The following ERC2 variants were observed in gnomAD, a reference collection of about 807,000 sequenced individuals.
ERC2 encodes the protein ELKS/RAB6-interacting/CAST family member 2.
Under a neutral mutation model 114.8 loss-of-function variants are expected in ERC2, and 42 were observed. The observed-to-expected ratio is 0.37, with a 90% CI of 0.29 to 0.47. ERC2 has a LOEUF of 0.47. Among genes scored for constraint, ERC2 ranks in the 20% least tolerant of loss-of-function variants. ERC2 has a pLI of 0.99. For missense variants in ERC2, 939 were observed against 1,150.7 expected (o/e 0.82, Z 2.66); for synonymous variants, 454 against 425.5 (o/e 1.07, Z -0.82).
chr3:56,276,288 T>C (rs191006065), intron 3 of ERC2, among the ~76,000 whole-genome samples: 8 of 152,192 alleles, frequency 5.3e-5, no homozygotes, highest in Non-Finnish European at 7.4e-5. Context: ...TATTTTTAGA[T>C]ACAAATTTTA....
rs1369016923 is a variant in ERC2 at position 56,434,800 on chromosome 3, C to A, written c.208G>T (p.Val70Leu). The A allele has an allele frequency of 1.2e-6, 2 of 1,613,940 alleles. No individual in the cohort carries two copies. The highest frequency in any genetic ancestry group is 2.7e-5 in the African/African-American group (2 of 75,022). ...GPMYLSDHEG[V>L]ASTTYPKGTM... ...CCCTTTGGGTAGGTTGTTGAAGCCACCCCTTCATGATCACTCAGATACATG... is the reference window on the plus strand; with the variant it reads ...CCCTTTGGGTAGGTTGTTGAAGCCAACCCTTCATGATCACTCAGATACATG... The change falls in exon 2 of 18, where the codon GTG becomes TTG. Residue 70 changes from valine to leucine, a missense_variant. By Grantham distance (32) the Val-to-Leu change is conservative. Around this residue, in one of 5 missense-constraint regions of ERC2, gnomAD observed 281 missense variants for 307.4 expected, o/e 0.91. Coordinates refer to ENST00000288221, the MANE Select transcript of ERC2 (RefSeq NM_015576.3).
chr3:55,679,810 A>G (rs967620739), intron 17 of ERC2, among the ~76,000 whole-genome samples: 1 of 152,224 alleles, frequency 6.6e-6, no homozygotes, highest in Non-Finnish European at 1.5e-5. Context: ...TGCTTTGTGT[A>G]GAGCTCAGAG....
intron 17 of ERC2, among the ~76,000 whole-genome samples, chr3:55,588,533 T>A (rs1210795695): frequency 6.6e-6 from 1 of 152,304 alleles, no homozygotes; most frequent in Admixed American, 6.5e-5. Flanking sequence ...CTCGGCCTGA[T>A]GAATCAATTC....
At chr3:55,601,371 C>T (rs78212119) in intron 17 of ERC2, among the ~76,000 whole-genome samples, 1 of 152,216 alleles carries the variant, frequency 6.6e-6, no homozygotes, top group African/African-American at 2.4e-5. Flanking sequence ...AAGTCCTCCT[C>T]AGAAACAGGT....
chr3:56,082,329 C>G (rs1175214446), intron 6 of ERC2, among the ~76,000 whole-genome samples: 1 of 152,160 alleles, frequency 6.6e-6, no homozygotes, highest in African/African-American at 2.4e-5. Flanking sequence ...TGTGAGAACA[C>G]AGCACGATGG....
intron 17 of ERC2, among the ~76,000 whole-genome samples, chr3:55,683,519 C>G (rs1201596959): frequency 6.6e-6 from 1 of 152,128 alleles, no homozygotes; most frequent in Non-Finnish European, 1.5e-5. Flanking sequence ...AGTAAGGGCA[C>G]AGTTTACATC....
intron 17 of ERC2, among the ~76,000 whole-genome samples, chr3:55,651,895 C>T (rs551538952): frequency 2.0e-5 from 3 of 152,234 alleles, no homozygotes; most frequent in Non-Finnish European, 4.4e-5. Flanking sequence ...AGGCAAAATC[C>T]CAGCAGCTCG....
intron 6 of ERC2, among the ~76,000 whole-genome samples, chr3:56,084,984 A>C (rs2077430249): frequency 6.6e-6 from 1 of 152,068 alleles, no homozygotes; most frequent in Non-Finnish European, 1.5e-5. Flanking sequence ...TTCTGCTTTT[A>C]ACTGCCTGAG....
Position 56,242,295 on chromosome 3 carries a change from A to G in ERC2, c.1074+53724T>C, listed in dbSNP as rs868224413. Among the ~76,000 whole-genome samples, 34 of 152,236 alleles carry G rather than the reference A, an allele frequency of 2.2e-4. 1 individual carries two copies. The Middle Eastern group carries it at 0.041, about 183-fold the overall frequency. Reference sequence around the variant, plus strand: ...GACATACAAGCATAAGAATGATATAATGGACTTTGGGGACTTGGGGAAGGA... The same window carrying G: ...GACATACAAGCATAAGAATGATATAGTGGACTTTGGGGACTTGGGGAAGGA... On this transcript the variant is annotated intron_variant, in intron 3 of 17. Coordinates refer to ENST00000288221, the MANE Select transcript of ERC2 (RefSeq NM_015576.3).
At chr3:55,583,856 G>A (rs1458782606) in intron 17 of ERC2, among the ~76,000 whole-genome samples, 1 of 142,668 alleles carries the variant, frequency 7.0e-6, no homozygotes, top group Non-Finnish European at 1.5e-5. Flanking sequence ...AAGTACCTTT[G>A]CCAGCAAGTC....
intron 3 of ERC2, among the ~76,000 whole-genome samples, chr3:56,207,433 T>G (rs2167619): frequency 6.6e-6 from 1 of 151,932 alleles, no homozygotes; most frequent in South Asian, 2.1e-4. Flanking sequence ...CTTATATTTC[T>G]GTACTTACTA....
chr3:56,003,482 C>CAAT (rs1193431263), intron 10 of ERC2, among the ~76,000 whole-genome samples: 2 of 152,054 alleles, frequency 1.3e-5, no homozygotes, highest in Non-Finnish European at 2.9e-5. Context: ...TACTTTTGGC[C>CAAT]AAGTCTGCAA....
At chr3:55,952,147 ACACACACACACAC>A (rs1306290782) in intron 12 of ERC2, among the ~76,000 whole-genome samples, 2,284 of 55,040 alleles carry the variant, frequency 0.041, 203 homozygotes, top group Non-Finnish European at 0.063. Context: ...ACACACACAC[ACACACACACACAC>A]ACACACACAC....
chr3:55,576,838 C>A (rs2057008047), intron 17 of ERC2, among the ~76,000 whole-genome samples: 1 of 152,218 alleles, frequency 6.6e-6, no homozygotes, highest in Admixed American at 6.5e-5. Flanking sequence ...CACACCGCAT[C>A]GTGCGAGGGA....
At chr3:55,891,119 T>C (rs558788429) in intron 13 of ERC2, among the ~76,000 whole-genome samples, 3 of 152,208 alleles carry the variant, frequency 2.0e-5, no homozygotes, top group Non-Finnish European at 2.9e-5. Context: ...TACAGGCACA[T>C]GGTAGGACCC....
At chr3:56,348,343 A>G (rs906044836) in intron 2 of ERC2, among the ~76,000 whole-genome samples, 2 of 151,908 alleles carry the variant, frequency 1.3e-5, no homozygotes, top group Non-Finnish European at 2.9e-5. Flanking sequence ...ACACCATCAT[A>G]TCTTGATTGC....
chr3:56,435,288 C>T (rs768691825), intron 1 of ERC2, 141 bp from the exon 2 acceptor site: 14 of 256,412 alleles, frequency 5.5e-5, no homozygotes, highest in Non-Finnish European at 8.8e-5. Flanking sequence ...AGAGCCACAC[C>T]CATAATGTTG....
chr3:56,421,736 A>G (rs1175747530), intron 2 of ERC2, among the ~76,000 whole-genome samples: 2 of 152,174 alleles, frequency 1.3e-5, no homozygotes, highest in African/African-American at 2.4e-5. Context: ...TCATCTTCCA[A>G]CTGACCCCGA....
intron 12 of ERC2, among the ~76,000 whole-genome samples, chr3:55,964,316 T>C (rs2068596125): frequency 6.6e-6 from 1 of 152,234 alleles, no homozygotes; most frequent in Non-Finnish European, 1.5e-5. Flanking sequence ...TGAACTATTG[T>C]TCTGATGATG....
Sources: allele counts gnomAD v4.1 joint callset (sites outside exome capture counted in the v4.1 genomes callset), GRCh38; gene constraint gnomAD v4.1.1; regional missense constraint gnomAD v4.1.1; transcripts MANE v1.5; gene names NCBI Gene and HGNC (gene_info 2026-07-23, HGNC 2026-07-21).